The following RTKN variants were observed in gnomAD, a reference collection of about 807,000 sequenced individuals.
RTKN encodes the protein rhotekin.
RTKN carries 49 observed loss-of-function variants against 63.5 expected under a neutral mutation model. The ratio of observed to expected loss-of-function variants is 0.77; its 90% CI spans 0.61 to 0.98. The LOEUF is 0.98. Among genes scored for constraint, RTKN ranks in the 50% least tolerant of loss-of-function variants. The probability of loss-of-function intolerance (pLI) is 0.00; values close to 1 mark genes in which losing one functional copy is unlikely to be tolerated. For missense variants in RTKN, 685 were observed against 740.8 expected, an observed-to-expected ratio of 0.92 and a Z score of 0.87; for synonymous variants, 295 against 290.4, an observed-to-expected ratio of 1.02 and a Z score of -0.16.
Position 74,426,444 on chromosome 2 carries a change from C to T in RTKN, c.1491G>A (p.Ser497=), listed in dbSNP as rs760224551. ...TDQPALPNPC[S]PASVAPAPDW... is the part of the protein sequence containing the mutation. ...CTGGGGCTGGGGCCACTGAGGCAGG[C>T]GAGCAGGGGTTAGGCAGGGCAGGCT... is the stretch of plus-strand genomic sequence containing the variant. The change falls in exon 12 of 12, where the codon TCG becomes TCA. Residue 497 remains serine (S), a synonymous_variant. Coordinates refer to ENST00000272430, the MANE Select transcript of RTKN (RefSeq NM_001015055.2). 44 of 1,612,032 alleles carry T rather than the reference C, an allele frequency of 2.7e-5. No homozygotes were observed. Among genetic ancestry groups the T allele is most frequent in the South Asian group, 3.3e-5 (3 of 90,880 alleles).
intron 9 of RTKN, 59 bp from the exon 10 acceptor site, chr2:74,427,651 G>A (rs757714254): frequency 2.6e-6 from 4 of 1,553,022 alleles, no homozygotes; most frequent in South Asian, 2.4e-5. Context: ...CAATCAGGCA[G>A]CCTTGATCAC....
chr2:74,439,946 C>CA, intron 1 of RTKN: 1 of 1,156,132 alleles, frequency 8.6e-7, no homozygotes, highest in Non-Finnish European at 1.1e-6. Context: ...ACAGAGTGTC[C>CA]AGTCTCGCTT....
chr2:74,439,323 C>T (rs1272090212), intron 1 of RTKN, among the ~76,000 whole-genome samples: 1 of 152,182 alleles, frequency 6.6e-6, no homozygotes, highest in Non-Finnish European at 1.5e-5. Flanking sequence ...CACAGAGCTT[C>T]CTGAAATAGG....
rs1301798754 is a variant in RTKN, at chr2:74,428,387, C to T, written c.967G>A (p.Glu323Lys). The change falls in exon 9 of 12, where the codon GAG becomes AAG. Residue 323 changes from glutamate to lysine, a missense_variant. Physicochemically the swap from Glu to Lys is moderately conservative, Grantham distance 56 (BLOSUM62 1). Transcript: ENST00000272430. ...SGTLRVQQAG[E>K]MQNWAQVHGV... Reference sequence around the variant, plus strand: ...TGCACTTGTGCCCAGTTCTGCATCTCCCCAGCTTGCTGCACAAATGACTCA... The same window carrying T: ...TGCACTTGTGCCCAGTTCTGCATCTTCCCAGCTTGCTGCACAAATGACTCA... The T allele has an allele frequency of 6.2e-7, 1 of 1,614,144 alleles. No homozygotes were observed. Among genetic ancestry groups the T allele is most frequent in the Admixed American group, 1.7e-5 (1 of 60,020 alleles).
At chr2:74,434,604 C>A (rs1670953508) in intron 1 of RTKN, among the ~76,000 whole-genome samples, 1 of 152,134 alleles carries the variant, frequency 6.6e-6, no homozygotes, top group Non-Finnish European at 1.5e-5. Context: ...TTAGTAGAGA[C>A]AGGGTTTCGC....
intron 9 of RTKN, chr2:74,428,005 G>C: frequency 1.8e-6 from 1 of 544,372 alleles, no homozygotes. Flanking sequence ...AAGAGGGAGA[G>C]AGGATGAAAA....
At chr2:74,439,924 G>A in intron 1 of RTKN, 1 of 1,225,956 alleles carries the variant, frequency 8.2e-7, no homozygotes, top group South Asian at 2.0e-5. Flanking sequence ...AGCTGCAGAG[G>A]GGGCTCTAGG....
rs13396033 is a variant in RTKN, at chr2:74,433,985, T to A, written c.112-1319A>T. Reference sequence around the variant, plus strand: ...AAGGGTAGTATTGCACATACTACCATTTGTGCATGATATATATATATGTAT... The same window carrying A: ...AAGGGTAGTATTGCACATACTACCAATTGTGCATGATATATATATATGTAT... On this transcript the variant is annotated intron_variant, in intron 1 of 11. Transcript: ENST00000272430. Among the ~76,000 whole-genome samples the A allele has an allele frequency of 8.3e-3, 1,267 of 152,278 alleles. 13 individuals are homozygous for A. Among genetic ancestry groups the A allele is most frequent in the African/African-American group, 0.016 (655 of 41,548 alleles).
chr2:74,439,884 A>G (rs1671261228), intron 1 of RTKN: 1 of 1,313,450 alleles, frequency 7.6e-7, no homozygotes, highest in African/African-American at 1.5e-5. Context: ...AAGCGAAGTG[A>G]GGATAAGTGG....
Position 74,428,414 on chromosome 2 carries a change from C to G in RTKN, c.958-18G>C. ...CCAGCTTGCTGCACAAATGACTCAACATTTTCTGGGGAAGTCACGGCCCCC... is the reference window on the plus strand; with the variant it reads ...CCAGCTTGCTGCACAAATGACTCAAGATTTTCTGGGGAAGTCACGGCCCCC... On this transcript the variant is annotated intron_variant, in intron 8 of 11. Transcript: ENST00000272430. 6.2e-7 allele frequency: 1 copy of G among 1,614,162 alleles called. No homozygotes were observed. The highest frequency in any genetic ancestry group is 8.5e-7 in the Non-Finnish European group (1 of 1,180,028).
At chr2:74,430,137 G>C in intron 5 of RTKN, 100 bp from the exon 6 acceptor site, 7 of 1,507,200 alleles carry the variant, frequency 4.6e-6, no homozygotes, top group Non-Finnish European at 4.6e-6. Context: ...CACAGAGAAG[G>C]CCAGGTGCCC....
intron 1 of RTKN, among the ~76,000 whole-genome samples, chr2:74,433,631 A>G (rs1487189412): frequency 6.6e-6 from 1 of 151,936 alleles, no homozygotes; most frequent in African/African-American, 2.4e-5. Flanking sequence ...CTGGGACTAC[A>G]GGCGCCCGCC....
chr2:74,439,935 C>T (rs1008886069), intron 1 of RTKN: 25 of 1,199,630 alleles, frequency 2.1e-5, no homozygotes, highest in African/African-American at 3.1e-5. Context: ...GGGCTCTAGG[C>T]ACAGAGTGTC....
intron 1 of RTKN, 142 bp from the exon 2 acceptor site, chr2:74,432,808 C>T (rs1263046229): frequency 3.0e-6 from 2 of 660,700 alleles, no homozygotes; most frequent in Non-Finnish European, 5.2e-6. Flanking sequence ...GGCATTGGGT[C>T]TCAATCTCAG....
chr2:74,440,032 C>T, intron 1 of RTKN: 1 of 1,039,398 alleles, frequency 9.6e-7, no homozygotes, highest in East Asian at 7.0e-5. Flanking sequence ...CAGCCCCCGC[C>T]CACATCCCTG....
intron 1 of RTKN, among the ~76,000 whole-genome samples, chr2:74,439,172 G>A (rs995569911): frequency 3.9e-5 from 6 of 152,134 alleles, no homozygotes; most frequent in African/African-American, 1.4e-4. Flanking sequence ...AGGGCCAGCA[G>A]AATCCTTACT....
rs1671067281 is a variant in RTKN at position 74,436,461 on chromosome 2, G to A, written c.112-3795C>T. On this transcript the variant is annotated intron_variant, in intron 1 of 11. Transcript: ENST00000272430. The surrounding 1 kb of genome is among the most constrained non-coding windows in gnomAD (Gnocchi z 4.3). ...CTTGGCTCAAGGCGGTGCCTCCACCGAGACTCCATCGCGGCGGGACCGGAC... is the reference window on the plus strand; with the variant it reads ...CTTGGCTCAAGGCGGTGCCTCCACCAAGACTCCATCGCGGCGGGACCGGAC... Among the ~76,000 whole-genome samples, 1 of 152,276 alleles carries A rather than the reference G, an allele frequency of 6.6e-6. No homozygotes were observed. The highest frequency in any genetic ancestry group is 2.1e-4 in the South Asian group (1 of 4,822).
intron 1 of RTKN, chr2:74,440,045 CTGGT>C: frequency 7.9e-6 from 8 of 1,006,426 alleles, no homozygotes; most frequent in Non-Finnish European, 9.7e-6. Context: ...CATCCCTGGC[CTGGT>C]GGACAGGGAA....
At chr2:74,439,690 G>C (rs1252620266) in intron 1 of RTKN, 1 of 1,599,962 alleles carries the variant, frequency 6.3e-7, no homozygotes, top group Non-Finnish European at 8.5e-7. Flanking sequence ...GTACCACACT[G>C]TCCCACAGTT....
Sources: allele counts gnomAD v4.1 joint callset (sites outside exome capture counted in the v4.1 genomes callset), GRCh38; gene constraint gnomAD v4.1.1; non-coding constraint Gnocchi (gnomAD v3.1); transcripts MANE v1.5; gene names NCBI Gene and HGNC (gene_info 2026-07-23, HGNC 2026-07-21).